ADK: variants seen among roughly 807,000 people sequenced by gnomAD.
ADK encodes N6,N6-dimethyladenosine kinase.
Under a neutral mutation model 44.7 loss-of-function variants are expected in ADK, and 24 were observed. That is an observed-to-expected ratio of 0.54 (90% CI 0.39 to 0.76). The LOEUF (loss-of-function observed/expected upper bound fraction) is 0.76, where lower values mean the gene tolerates loss of function less well. Ranked by LOEUF, ADK falls within the 30% of genes least tolerant of loss-of-function variation. The probability of loss-of-function intolerance (pLI) is 0.00; values close to 1 mark genes in which losing one functional copy is unlikely to be tolerated. For synonymous variants in ADK, 128 were observed against 142.6 expected (o/e 0.90, Z 0.73); for missense variants, 321 against 425.1 (o/e 0.76, Z 2.15).
At chr10:74,278,020 A>G (rs1406667156) in intron 3 of ADK, among the ~76,000 whole-genome samples, 1 of 152,004 alleles carries the variant, frequency 6.6e-6, no homozygotes, top group South Asian at 2.1e-4. Context: ...TTGTTTATTT[A>G]TATGCTTGAC....
chr10:74,616,807 T>G lies in ADK; in HGVS notation c.877+16314T>G, dbSNP rs527689299. Among the ~76,000 whole-genome samples the G allele has an allele frequency of 2.6e-5, 4 of 152,300 alleles. No homozygotes were observed. In the South Asian group the frequency reaches 8.3e-4, roughly 32 times the overall value. On this transcript the variant is annotated intron_variant, in intron 9 of 10. Coordinates refer to ENST00000539909, the MANE Select transcript of ADK (RefSeq NM_006721.4). Reference sequence around the variant, plus strand: ...AGATTATATTGAATCTGCAAGTCAATTTGGAGAAAACTTATTTCTTTACAG... The same window carrying G: ...AGATTATATTGAATCTGCAAGTCAAGTTGGAGAAAACTTATTTCTTTACAG...
chr10:74,577,110 C>CTGTGTGTGTGTGTG (rs146683037), intron 7 of ADK, among the ~76,000 whole-genome samples: 5 of 137,328 alleles, frequency 3.6e-5, no homozygotes, highest in Admixed American at 7.4e-5. Context: ...TATTATTTCT[C>CTGTGTGTGTGTGTG]TGTGTGTGTG....
intron 6 of ADK, among the ~76,000 whole-genome samples, chr10:74,442,641 A>G (rs944704101): frequency 6.6e-6 from 1 of 152,158 alleles, no homozygotes; most frequent in Non-Finnish European, 1.5e-5. Context: ...GTGAGACTCT[A>G]TCTCTAAAGA....
rs1236435206 is a variant in ADK at position 74,595,502 on chromosome 10, G to A, written c.763-4877G>A. On this transcript the variant is annotated intron_variant, in intron 8 of 10. Transcript: ENST00000539909. ...CTCCATTCTCCTGCCTCAGCCTCCC[G>A]AGTAGCTGGGACTACAGGCCCCCGC... 3.0e-3 allele frequency among the ~76,000 whole-genome samples: 425 copies of A among 143,842 alleles called. 6 individuals are homozygous for A. Among genetic ancestry groups the A allele is most frequent in the African/African-American group, 0.01 (392 of 39,184 alleles). The allele number at this position is 143,842 out of a possible 152,430, so 94.4% of individuals were successfully genotyped here.
rs766056833 is a variant in ADK at position 74,708,470 on chromosome 10, A to G, written c.*25A>G. The G allele has an allele frequency of 5.6e-6, 9 of 1,606,770 alleles. No individual in the cohort carries two copies. The highest frequency in any genetic ancestry group is 2.2e-5 in the East Asian group (1 of 44,622). Reference sequence around the variant, plus strand: ...ATGGAAGAGCTGAAAACACAAGCCCAGGAGTGCAGACACTGCCCTAATTGC... The same window carrying G: ...ATGGAAGAGCTGAAAACACAAGCCCGGGAGTGCAGACACTGCCCTAATTGC... On this transcript the variant is annotated 3_prime_UTR_variant, in exon 11 of 11. Coordinates refer to ENST00000539909, the MANE Select transcript of ADK (RefSeq NM_006721.4).
At chr10:74,662,497 TCTCAAACTCCTGGG>T (rs1263453641) in intron 9 of ADK, among the ~76,000 whole-genome samples, 1 of 152,012 alleles carries the variant, frequency 6.6e-6, no homozygotes. Context: ...CCCAGTCTGG[TCTCAAACTCCTGGG>T]CTCAACCAGT....
At chr10:74,346,965 C>T (rs1564666614) in intron 4 of ADK, among the ~76,000 whole-genome samples, 1 of 151,674 alleles carries the variant, frequency 6.6e-6, no homozygotes, top group Non-Finnish European at 1.5e-5. Context: ...AAAAAATTAG[C>T]CGGGCATGGT....
At chr10:74,335,264 T>G (rs1841366629) in intron 4 of ADK, among the ~76,000 whole-genome samples, 1 of 152,190 alleles carries the variant, frequency 6.6e-6, no homozygotes, top group Non-Finnish European at 1.5e-5. Flanking sequence ...TTTTATTTAT[T>G]TATTTTTTTG....
At chr10:74,194,193 T>C (rs1299001122) in intron 1 of ADK, among the ~76,000 whole-genome samples, 3 of 152,054 alleles carry the variant, frequency 2.0e-5, no homozygotes, top group Non-Finnish European at 2.9e-5. Context: ...AAAAGATGAA[T>C]GGGAGTTTGC....
At chr10:74,278,241 C>A (rs1846776271) in intron 3 of ADK, among the ~76,000 whole-genome samples, 1 of 151,560 alleles carries the variant, frequency 6.6e-6, no homozygotes. Flanking sequence ...GTAAACCCAG[C>A]TACTCGGGAG....
chr10:74,545,190 A>G (rs948909607), intron 7 of ADK, among the ~76,000 whole-genome samples: 1 of 152,216 alleles, frequency 6.6e-6, no homozygotes, highest in East Asian at 1.9e-4. Context: ...TGTGTCAGAC[A>G]TTGCACTCTG....
chr10:74,165,651 C>T (rs979539084), intron 1 of ADK, among the ~76,000 whole-genome samples: 3 of 151,876 alleles, frequency 2.0e-5, no homozygotes, highest in Admixed American at 6.6e-5. Context: ...ATTCATCTCA[C>T]GTTCAGGACC....
At chr10:74,316,396 A>T (rs538333921) in intron 4 of ADK, among the ~76,000 whole-genome samples, 11 of 152,088 alleles carry the variant, frequency 7.2e-5, no homozygotes, top group Non-Finnish European at 1.6e-4. Context: ...TTGAATTGTA[A>T]TCTGTATAAT....
At chr10:74,330,883 A>G (rs1841193546) in intron 4 of ADK, among the ~76,000 whole-genome samples, 1 of 152,172 alleles carries the variant, frequency 6.6e-6, no homozygotes, top group South Asian at 2.1e-4. Flanking sequence ...CACCAAAACT[A>G]TGTGAGATAG....
At chr10:74,363,187 C>T (rs1365676608) in intron 4 of ADK, among the ~76,000 whole-genome samples, 1 of 152,184 alleles carries the variant, frequency 6.6e-6, no homozygotes, top group East Asian at 1.9e-4. Context: ...ATGCCTGTCA[C>T]ATGGATCCAG....
At chr10:74,314,865 G>A (rs1179334941) in intron 4 of ADK, 120 bp downstream of exon 4, 3 of 772,856 alleles carry the variant, frequency 3.9e-6, no homozygotes, top group Non-Finnish European at 6.6e-6. Context: ...ATTTGAATTG[G>A]GATTTTAGTA....
At chr10:74,337,722 T>C (rs1564661063) in intron 4 of ADK, among the ~76,000 whole-genome samples, 2 of 152,136 alleles carry the variant, frequency 1.3e-5, no homozygotes, top group Non-Finnish European at 2.9e-5. Context: ...GCTTACTAAC[T>C]GTGAGCTTGA....
intron 4 of ADK, among the ~76,000 whole-genome samples, chr10:74,347,938 C>T (rs1421868720): frequency 6.6e-6 from 1 of 152,134 alleles, no homozygotes; most frequent in Admixed American, 6.5e-5. Context: ...GGATAAAACT[C>T]CCATCTCCCT....
intron 4 of ADK, among the ~76,000 whole-genome samples, chr10:74,334,843 A>T: frequency 6.6e-6 from 1 of 152,182 alleles, no homozygotes; most frequent in South Asian, 2.1e-4. Flanking sequence ...TCAAGGACCC[A>T]GCCATCCTCT....
Sources: gnomAD v4.1 joint callset for allele counts (sites outside exome capture counted in the v4.1 genomes callset) on GRCh38, gnomAD v4.1.1 for gene constraint, MANE v1.5 for transcripts, NCBI Gene and HGNC (gene_info 2026-07-23, HGNC 2026-07-21) for gene names.